Variants in OTUD7A observed in about 807,000 individuals in gnomAD.
OTUD7A encodes the protein OTU deubiquitinase 7A.
In OTUD7A, 12 loss-of-function variants were observed where a neutral mutation model predicts 65.7. The observed-to-expected ratio is 0.18, with a 90% CI of 0.12 to 0.30. OTUD7A has a LOEUF of 0.30. OTUD7A is among the 10% of genes least tolerant of loss of function. The probability of loss-of-function intolerance (pLI) is 1.00; values close to 1 mark genes in which losing one functional copy is unlikely to be tolerated. For synonymous variants in OTUD7A, 641 were observed against 586.3 expected (o/e 1.09, Z -1.35); for missense variants, 1,148 against 1,304.8 (o/e 0.88, Z 1.85).
At chr15:31,803,319 G>A (rs1169583516) in intron 1 of OTUD7A, among the ~76,000 whole-genome samples, 1 of 152,140 alleles carries the variant, frequency 6.6e-6, no homozygotes, top group African/African-American at 2.4e-5. Flanking sequence ...TTAAAAAAAA[G>A]TTATTTGCTA....
At chr15:31,700,624 A>G (rs1227140481) in intron 1 of OTUD7A, among the ~76,000 whole-genome samples, 1 of 152,050 alleles carries the variant, frequency 6.6e-6, no homozygotes, top group Non-Finnish European at 1.5e-5. Flanking sequence ...TAAAATCATG[A>G]TATTCATAGA....
chr15:31,626,077 G>C (rs1295788377), intron 3 of OTUD7A, among the ~76,000 whole-genome samples: 2 of 152,154 alleles, frequency 1.3e-5, no homozygotes, highest in Admixed American at 6.5e-5. Context: ...TTTTTGAAAG[G>C]AAGGTAGTGT....
At chr15:31,785,941 G>C (rs1470696685) in intron 1 of OTUD7A, among the ~76,000 whole-genome samples, 1 of 152,176 alleles carries the variant, frequency 6.6e-6, no homozygotes, top group East Asian at 1.9e-4. Context: ...CAATGTGGCA[G>C]TATTAAAAAG....
chr15:31,630,555 T>C (rs1306648482), intron 3 of OTUD7A, among the ~76,000 whole-genome samples: 1 of 152,206 alleles, frequency 6.6e-6, no homozygotes, highest in African/African-American at 2.4e-5. Flanking sequence ...GAAAAAAATG[T>C]ATATTCTGTT....
At chr15:31,866,434 T>G (rs1248758325) in intron 1 of OTUD7A, among the ~76,000 whole-genome samples, 4 of 152,226 alleles carry the variant, frequency 2.6e-5, no homozygotes, top group Non-Finnish European at 5.9e-5. Context: ...TCTCTCCATT[T>G]CAGCTTTTTA....
At chr15:31,537,963 G>T (rs7169470) in intron 5 of OTUD7A, among the ~76,000 whole-genome samples, 27,005 of 152,194 alleles carry the variant, frequency 0.18, 2,612 homozygotes, top group Non-Finnish European at 0.23. Context: ...CTTGCTGACA[G>T]CGCCCTGCTT....
chr15:31,785,857 AT>A (rs900875253), intron 1 of OTUD7A, among the ~76,000 whole-genome samples: 9 of 152,182 alleles, frequency 5.9e-5, no homozygotes, highest in African/African-American at 2.2e-4. Flanking sequence ...TAAATAGTAC[AT>A]GTAAACACAC....
intron 1 of OTUD7A, among the ~76,000 whole-genome samples, chr15:31,796,142 C>CGTGCGTGTGTGTGT: frequency 6.8e-6 from 1 of 148,020 alleles, no homozygotes; most frequent in East Asian, 2.0e-4. Context: ...GTAAGGGGTG[C>CGTGCGTGTGTGTGT]GTGTGTGTGT....
At chr15:31,698,906 T>C (rs1893145935) in intron 1 of OTUD7A, among the ~76,000 whole-genome samples, 1 of 151,574 alleles carries the variant, frequency 6.6e-6, no homozygotes, top group Non-Finnish European at 1.5e-5. Context: ...ATTGCCCTTC[T>C]TAAAAATAAG....
intron 1 of OTUD7A, among the ~76,000 whole-genome samples, chr15:31,769,009 C>A (rs1366332269): frequency 1.3e-5 from 2 of 152,114 alleles, no homozygotes; most frequent in Non-Finnish European, 2.9e-5. Flanking sequence ...CATCTAAGTA[C>A]AAACAAATCA....
chr15:31,654,296 A>C (rs1415200489), intron 3 of OTUD7A, among the ~76,000 whole-genome samples: 2 of 135,758 alleles, frequency 1.5e-5, no homozygotes, highest in Non-Finnish European at 1.6e-5. Flanking sequence ...TGCTTTTGCC[A>C]TTGCCATTTT....
At chr15:31,576,684 T>G (rs776453128) in intron 3 of OTUD7A, among the ~76,000 whole-genome samples, 4 of 152,194 alleles carry the variant, frequency 2.6e-5, no homozygotes, top group Non-Finnish European at 5.9e-5. Context: ...CATATTTGGC[T>G]CAGAATAAAT....
intron 1 of OTUD7A, among the ~76,000 whole-genome samples, chr15:31,715,375 C>T (rs1893557518): frequency 6.9e-6 from 1 of 144,642 alleles, no homozygotes; most frequent in African/African-American, 2.5e-5. Flanking sequence ...GCCTCTGTGC[C>T]CTGGGACTGA....
In OTUD7A at chr15:31,527,252, T is replaced by C; in HGVS notation, c.709A>G (p.Met237Val). The C allele has an allele frequency of 1.2e-6, 2 of 1,614,178 alleles. No individual in the cohort carries two copies. Among genetic ancestry groups the C allele is most frequent in the Non-Finnish European group, 1.7e-6 (2 of 1,180,024 alleles). Reference protein sequence around the residue: ...LVLRKALYTMMRTGAEREALK... With the variant: ...LVLRKALYTMVRTGAEREALK... ...GCTTCCCTCTCAGCTCCCGTCCTCA[T>C]CATGGTATAGAGAGCTTTCCGTAAC... Residue 237 changes from methionine to valine, a missense_variant, in exon 7 of 13, where the codon ATG becomes GTG. Transcript: ENST00000307050.
intron 1 of OTUD7A, among the ~76,000 whole-genome samples, chr15:31,789,769 G>A (rs1018349506): frequency 2.0e-5 from 3 of 146,562 alleles, no homozygotes; most frequent in Admixed American, 7.0e-5. Flanking sequence ...GCAATGTCGC[G>A]ATCTCTGCTC....
intron 1 of OTUD7A, among the ~76,000 whole-genome samples, chr15:31,726,054 GT>G (rs55709390): frequency 0.064 from 9,361 of 146,626 alleles, 597 homozygotes; most frequent in African/African-American, 0.17. Context: ...GCCAGACAGA[GT>G]TTTTTTTTTT....
intron 1 of OTUD7A, among the ~76,000 whole-genome samples, chr15:31,863,884 GCT>G (rs1264970386): frequency 2.0e-5 from 3 of 152,068 alleles, no homozygotes; most frequent in African/African-American, 2.4e-5. Flanking sequence ...GAACTTTTAT[GCT>G]CTCTTTCCCT....
chr15:31,597,862 G>C (rs1889952531), intron 3 of OTUD7A, among the ~76,000 whole-genome samples: 1 of 152,192 alleles, frequency 6.6e-6, no homozygotes, highest in Admixed American at 6.5e-5. Flanking sequence ...CTGGGCTGTG[G>C]ACCCCCATAG....
At chr15:31,815,670 T>A (rs1285112651) in intron 1 of OTUD7A, among the ~76,000 whole-genome samples, 2 of 152,296 alleles carry the variant, frequency 1.3e-5, no homozygotes, top group East Asian at 3.9e-4. Flanking sequence ...GGCTATGAAG[T>A]GGTGGCGGCA....
Sources: gnomAD v4.1 joint callset for allele counts (sites outside exome capture counted in the v4.1 genomes callset) on GRCh38, gnomAD v4.1.1 for gene constraint, MANE v1.5 for transcripts, NCBI Gene and HGNC (gene_info 2026-07-23, HGNC 2026-07-21) for gene names.